Variants in RASA2 observed in about 807,000 individuals in gnomAD.
The protein encoded by RASA2 is ras GTPase-activating protein 2.
A neutral mutation model predicts 118.2 loss-of-function variants in RASA2; 155 were observed. The observed-to-expected ratio is 1.31, with a 90% CI of 1.15 to 1.50. The LOEUF (loss-of-function observed/expected upper bound fraction) is 1.50. RASA2 is among the 40% of genes most tolerant of loss of function. The pLI is 0.00. For missense variants in RASA2, 1,016 were observed against 1,009.6 expected (o/e 1.01, Z -0.09); for synonymous variants, 353 against 349.1 (o/e 1.01, Z -0.12).
Position 141,573,168 on chromosome 3 carries a change from T to C in RASA2, c.1306T>C (p.Cys436Arg). Residue 436 changes from cysteine (C) to arginine (R), a missense_variant, in exon 13 of 24, where the codon TGT becomes CGT. Physicochemically the swap from Cys to Arg is radical, Grantham distance 180 (BLOSUM62 -3). Around this residue, in one of 2 missense-constraint regions of RASA2, gnomAD observed 896 missense variants for 836.4 expected, o/e 1.07. Transcript: ENST00000286364. ...LDEICDSSKSCEIDPIKLKEG... is the reference protein window; with the variant it reads ...LDEICDSSKSREIDPIKLKEG... ...TCAGATATGTGACTCCTCAAAATCC[T>C]GTGAAATCGATCCTATTAAATTGAA... The C allele has an allele frequency of 1.9e-6, 3 of 1,545,652 alleles. No individual in the cohort carries two copies. Among genetic ancestry groups the C allele is most frequent in the South Asian group, 1.2e-5 (1 of 80,370 alleles).
chr3:141,565,870 A>T (rs2082812375), intron 9 of RASA2, among the ~76,000 whole-genome samples: 1 of 152,230 alleles, frequency 6.6e-6, no homozygotes, highest in Non-Finnish European at 1.5e-5. Flanking sequence ...TTCTTAAATC[A>T]GACAGTAGAT....
At chr3:141,562,179 C>T (rs552745613) in intron 9 of RASA2, among the ~76,000 whole-genome samples, 16 of 151,774 alleles carry the variant, frequency 1.1e-4, no homozygotes, top group African/African-American at 3.6e-4. Flanking sequence ...GTCTTGAACT[C>T]CTGACCTCGT....
chr3:141,513,507 G>A lies in RASA2; in HGVS notation c.251+1227G>A, dbSNP rs537650454. On this transcript the variant is annotated intron_variant, in intron 2 of 23. Transcript: ENST00000286364. Reference sequence around the variant, plus strand: ...ATAATTGTTTAGAAAATAATGCAAAGAGATACATACCTACACATGTCTTGT... The same window carrying A: ...ATAATTGTTTAGAAAATAATGCAAAAAGATACATACCTACACATGTCTTGT... 1.4e-4 allele frequency among the ~76,000 whole-genome samples: 21 copies of A among 152,266 alleles called. No individual in the cohort carries two copies. In the South Asian group the frequency reaches 4.4e-3, roughly 32 times the overall value.
chr3:141,562,468 A>C (rs2082746610), intron 9 of RASA2, among the ~76,000 whole-genome samples: 1 of 149,628 alleles, frequency 6.7e-6, no homozygotes, highest in Non-Finnish European at 1.5e-5. Context: ...CTAAAAATAC[A>C]AAAAATTAGC....
At chr3:141,563,022 T>G (rs1021527062) in intron 9 of RASA2, among the ~76,000 whole-genome samples, 1 of 152,212 alleles carries the variant, frequency 6.6e-6, no homozygotes, top group African/African-American at 2.4e-5. Flanking sequence ...TTACATAGCA[T>G]TATGTACAAA....
chr3:141,589,551 C>T (rs2083256152), intron 19 of RASA2, among the ~76,000 whole-genome samples: 3 of 151,988 alleles, frequency 2.0e-5, no homozygotes, highest in African/African-American at 2.4e-5. Flanking sequence ...AAGTTAAGAA[C>T]CTCTGTTCTG....
chr3:141,583,261 T>G (rs1175630556), intron 17 of RASA2, among the ~76,000 whole-genome samples: 1 of 151,928 alleles, frequency 6.6e-6, no homozygotes, highest in African/African-American at 2.4e-5. Context: ...CTGTTTCTAC[T>G]AAAAATACAA....
intron 2 of RASA2, among the ~76,000 whole-genome samples, chr3:141,513,648 A>C (rs1303191052): frequency 6.6e-6 from 1 of 152,238 alleles, no homozygotes; most frequent in Non-Finnish European, 1.5e-5. Flanking sequence ...TTAAAAGTTT[A>C]GTTTGGTTAC....
At chr3:141,594,155 T>C (rs1233027364) in intron 19 of RASA2, among the ~76,000 whole-genome samples, 1 of 152,148 alleles carries the variant, frequency 6.6e-6, no homozygotes, top group Non-Finnish European at 1.5e-5. Context: ...GCACGATACC[T>C]GACATCAAAA....
At position 141,554,735 on chromosome 3, in the gene RASA2, T is replaced by C. The variant is rs2082623042; in HGVS notation, c.611+795T>C. On this transcript the variant is annotated intron_variant, in intron 6 of 23. Transcript: ENST00000286364. Reference sequence around the variant, plus strand: ...TAAGTCACTTTGAAAAATGTATTTATGTATGTATGTAAAGTACCTAGTACC... The same window carrying C: ...TAAGTCACTTTGAAAAATGTATTTACGTATGTATGTAAAGTACCTAGTACC... 2.0e-5 allele frequency among the ~76,000 whole-genome samples: 3 copies of C among 152,182 alleles called. No homozygotes were observed. In the East Asian group the frequency reaches 5.8e-4, roughly 29 times the overall value.
intron 2 of RASA2, among the ~76,000 whole-genome samples, chr3:141,514,391 C>T (rs1227126180): frequency 1.3e-5 from 2 of 152,196 alleles, no homozygotes; most frequent in Non-Finnish European, 2.9e-5. Flanking sequence ...GAAATCATAT[C>T]ACTGGTTGCC....
chr3:141,509,992 G>A (rs1351509811), intron 1 of RASA2, among the ~76,000 whole-genome samples: 1 of 152,168 alleles, frequency 6.6e-6, no homozygotes, highest in African/African-American at 2.4e-5. Flanking sequence ...ACAGATTTAA[G>A]AAGTATCTTA....
At chr3:141,581,259 C>T in intron 17 of RASA2, 82 bp downstream of exon 17, 1 of 1,020,128 alleles carries the variant, frequency 9.8e-7, no homozygotes, top group Non-Finnish European at 1.3e-6. Context: ...TTATTATTAT[C>T]AATCCCCAGT....
At chr3:141,487,341 G>A (rs1027582100) in intron 1 of RASA2, 125 bp downstream of exon 1, 40 of 1,129,754 alleles carry the variant, frequency 3.5e-5, no homozygotes, top group Non-Finnish European at 3.9e-5. Context: ...GGGGGCCTGG[G>A]CCGGGCGCGG....
Position 141,609,985 on chromosome 3 carries a change from TA to T in RASA2, c.2443del (p.Ser815AlafsTer2). 6.2e-7 allele frequency: 1 copy of T among 1,605,872 alleles called. No individual in the cohort carries two copies. The highest frequency in any genetic ancestry group is 8.5e-7 in the Non-Finnish European group (1 of 1,176,216). On this transcript the variant is annotated frameshift_variant, in exon 23 of 24. Transcript: ENST00000286364. LOFTEE classifies it high-confidence loss of function. ...ACAACCTTTAAGACAATTCAGCAAA[TA>T]AAAAGCATAATTGAGAAGCTGGATG... ...SVTTFKTIQQIKSIIEKLDEP... is the reference protein window; with the variant it reads ...SVTTFKTIQQXKSIIEKLDEP...
chr3:141,539,475 T>C lies in RASA2; in HGVS notation c.451-1058T>C, dbSNP rs77375885. On this transcript the variant is annotated intron_variant, in intron 4 of 23. Coordinates refer to ENST00000286364, the MANE Select transcript of RASA2 (RefSeq NM_006506.5). ...CAGATTCATTCTTGTATAAGTCCCC[T>C]TAAAATAGTGAGGGTGTTTCAGGTT... 2.4e-3 allele frequency among the ~76,000 whole-genome samples: 373 copies of C among 152,272 alleles called. 1 individual carries two copies. Among genetic ancestry groups the C allele is most frequent in the African/African-American group, 8.7e-3 (360 of 41,560 alleles).
At chr3:141,535,227 A>T (rs920553829) in intron 4 of RASA2, among the ~76,000 whole-genome samples, 1 of 152,208 alleles carries the variant, frequency 6.6e-6, no homozygotes. Context: ...CACTTAATAG[A>T]CTGCAATATA....
chr3:141,497,611 A>G (rs1197180329), intron 1 of RASA2, among the ~76,000 whole-genome samples: 2 of 152,092 alleles, frequency 1.3e-5, no homozygotes, highest in Non-Finnish European at 2.9e-5. Context: ...CAAACTTACA[A>G]ATTGTAAGAA....
At chr3:141,525,246 T>TGAGGACA (rs2082168843) in intron 3 of RASA2, 1 of 152,156 alleles carries the variant, frequency 6.6e-6, no homozygotes, top group Admixed American at 6.5e-5. Context: ...TGTCTGTGAG[T>TGAGGACA]TTGTCAGGAC....
Sources: gnomAD v4.1 joint callset for allele counts (sites outside exome capture counted in the v4.1 genomes callset) on GRCh38, gnomAD v4.1.1 for gene constraint, gnomAD v4.1.1 regional missense constraint, MANE v1.5 for transcripts, NCBI Gene and HGNC (gene_info 2026-07-23, HGNC 2026-07-21) for gene names.